ARID1B: variants seen among roughly 807,000 people sequenced by gnomAD.
ARID1B encodes the protein AT-rich interaction domain 1B, also known as AT-rich interactive domain-containing protein 1B.
A neutral mutation model predicts 212.3 loss-of-function variants in ARID1B; 30 were observed. The ratio of observed to expected loss-of-function variants is 0.14; its 90% CI spans 0.11 to 0.19. The LOEUF (loss-of-function observed/expected upper bound fraction) is 0.19, where lower values mean the gene tolerates loss of function less well. Ranked by LOEUF, ARID1B falls within the 10% of genes least tolerant of loss-of-function variation. ARID1B has a pLI of 1.00. For missense variants in ARID1B, 2,891 were observed against 3,204.0 expected (o/e 0.90, Z 2.36); for synonymous variants, 1,402 against 1,301.7 (o/e 1.08, Z -1.66).
intron 3 of ARID1B, among the ~76,000 whole-genome samples, chr6:156,904,379 C>G (rs1200151821): frequency 6.6e-6 from 1 of 152,190 alleles, no homozygotes; most frequent in Non-Finnish European, 1.5e-5. Context: ...ATATATTTAA[C>G]CAGTTCTTTT....
At chr6:156,988,593 G>A (rs1778080467) in intron 4 of ARID1B, among the ~76,000 whole-genome samples, 1 of 152,198 alleles carries the variant, frequency 6.6e-6, no homozygotes, top group African/African-American at 2.4e-5. Flanking sequence ...TGCCAGAGGA[G>A]CTTTCTTACC....
chr6:157,124,151 G>T (rs1159110331), intron 6 of ARID1B, among the ~76,000 whole-genome samples: 1 of 152,208 alleles, frequency 6.6e-6, no homozygotes, highest in Non-Finnish European at 1.5e-5. Context: ...CCTCAGAAAT[G>T]ATTCTTTGGA....
At chr6:157,056,923 A>AG (rs568040032) in intron 4 of ARID1B, among the ~76,000 whole-genome samples, 57 of 151,420 alleles carry the variant, frequency 3.8e-4, no homozygotes, top group African/African-American at 1.2e-3. Context: ...GTTTAAGTTC[A>AG]GGGGTACATG....
rs368162661 is a variant in ARID1B, at chr6:156,844,251, T to C, written c.1986+14830T>C. Among the ~76,000 whole-genome samples, 53 of 152,306 alleles carry C rather than the reference T, an allele frequency of 3.5e-4. No homozygotes were observed. In the South Asian group the frequency reaches 9.7e-3, roughly 28 times the overall value. On this transcript the variant is annotated intron_variant, in intron 2 of 19. Transcript: ENST00000636930. ...ACAGGCTGGCTGGATCTTGTTTGAT[T>C]TTTTGTTTTGTTTTGTTTAAGAAGA... is the stretch of plus-strand genomic sequence containing the variant.
At chr6:156,784,637 TTGAG>T (rs1242294648) in intron 1 of ARID1B, among the ~76,000 whole-genome samples, 6 of 152,208 alleles carry the variant, frequency 3.9e-5, no homozygotes, top group African/African-American at 7.2e-5. Flanking sequence ...GCAATTCACT[TTGAG>T]TGAGTGAATT....
At chr6:157,152,600 A>G (rs1164106031) in intron 8 of ARID1B, among the ~76,000 whole-genome samples, 1 of 152,198 alleles carries the variant, frequency 6.6e-6, no homozygotes, top group Admixed American at 6.5e-5. Flanking sequence ...CAATGCACAT[A>G]ACCTGTGTTG....
chr6:156,779,574 G>A, intron 1 of ARID1B, 103 bp downstream of exon 1: 1 of 1,105,592 alleles, frequency 9.0e-7, no homozygotes, highest in South Asian at 4.0e-5. Flanking sequence ...CTTCCCGCGG[G>A]GGCGGCGGGG....
intron 2 of ARID1B, among the ~76,000 whole-genome samples, chr6:156,881,319 G>C (rs1370236617): frequency 6.6e-6 from 1 of 152,160 alleles, no homozygotes; most frequent in Non-Finnish European, 1.5e-5. Flanking sequence ...TGAAATTTTA[G>C]ATGTACCAGA....
intron 4 of ARID1B, among the ~76,000 whole-genome samples, chr6:157,005,458 T>C (rs185071777): frequency 1.3e-5 from 2 of 152,298 alleles, no homozygotes; most frequent in African/African-American, 4.8e-5. Context: ...CAGGCCCTTA[T>C]GTAGTGGCAT....
At chr6:156,989,014 G>A (rs905325894) in intron 4 of ARID1B, among the ~76,000 whole-genome samples, 20 of 152,162 alleles carry the variant, frequency 1.3e-4, no homozygotes, top group African/African-American at 4.6e-4. Flanking sequence ...TTGTCACAGG[G>A]ATCTACCATA....
intron 2 of ARID1B, among the ~76,000 whole-genome samples, chr6:156,879,774 CAT>C (rs547548643): frequency 5.6e-4 from 86 of 152,292 alleles, no homozygotes; most frequent in African/African-American, 1.9e-3. Context: ...ACATATGACA[CAT>C]GTGTATATAT....
At chr6:156,847,211 T>G (rs184030688) in intron 2 of ARID1B, among the ~76,000 whole-genome samples, 1 of 152,308 alleles carries the variant, frequency 6.6e-6, no homozygotes, top group Admixed American at 6.5e-5. Context: ...CTGTGCTATC[T>G]GGTAATGTGC....
intron 7 of ARID1B, among the ~76,000 whole-genome samples, chr6:157,145,019 G>A (rs974829925): frequency 5.9e-5 from 9 of 152,186 alleles, no homozygotes; most frequent in African/African-American, 4.8e-5. Context: ...CAGCGCACCC[G>A]AGGTGTCTGC....
intron 2 of ARID1B, among the ~76,000 whole-genome samples, chr6:156,883,411 T>C (rs1264721846): frequency 6.6e-6 from 1 of 152,168 alleles, no homozygotes; most frequent in Non-Finnish European, 1.5e-5. Flanking sequence ...ATAGATTGCC[T>C]TGTCTTCGTG....
In ARID1B at chr6:157,123,247, C is replaced by CCCA. The variant is rs1554299918; in HGVS notation, c.2582-9780_2582-9779insCAC. 2.9e-4 allele frequency among the ~76,000 whole-genome samples: 32 copies of CCCA among 111,838 alleles called. 1 individual carries two copies. The highest frequency in any genetic ancestry group is 9.4e-4 in the African/African-American group (29 of 30,754). 73.4% of individuals were successfully genotyped at this position (111,838 alleles called of 152,430 possible). ...CTCCCCCCCGCCCCCCGCCCCCCCC[C>CCCA]CACACACACACAAGCAAACTCTGGG... On this transcript the variant is annotated intron_variant, in intron 6 of 19. Coordinates refer to ENST00000636930, the MANE Select transcript of ARID1B (RefSeq NM_001374828.1).
At chr6:157,160,411 C>G (rs111636687) in intron 8 of ARID1B, among the ~76,000 whole-genome samples, 3 of 152,190 alleles carry the variant, frequency 2.0e-5, no homozygotes, top group African/African-American at 7.2e-5. Context: ...CCCAGAGGAC[C>G]TAATTCATCA....
At position 156,888,435 on chromosome 6, in the gene ARID1B, CAT is replaced by C. The variant is rs537580929; in HGVS notation, c.1987-12940_1987-12939del. On this transcript the variant is annotated intron_variant, in intron 2 of 19. Coordinates refer to ENST00000636930, the MANE Select transcript of ARID1B (RefSeq NM_001374828.1). ...TTATTAGAAAACCCTGCTGTTCTAACATGTGTGTGAAGTACTGTTAGACTGTG... is the reference window on the plus strand; with the variant it reads ...TTATTAGAAAACCCTGCTGTTCTAACGTGTGTGAAGTACTGTTAGACTGTG... Among the ~76,000 whole-genome samples, 344 of 152,318 alleles carry C rather than the reference CAT, an allele frequency of 2.3e-3. 4 individuals are homozygous for C. The highest frequency in any genetic ancestry group is 0.01 in the Middle Eastern group (3 of 294).
At chr6:156,883,750 CAGGTGCTGG>C (rs202099216) in intron 2 of ARID1B, among the ~76,000 whole-genome samples, 3,176 of 152,272 alleles carry the variant, frequency 0.021, 33 homozygotes, top group Middle Eastern at 0.048. Context: ...CTCTGAGTGG[CAGGTGCTGG>C]AGGTGCTGGA....
Position 157,206,471 on chromosome 6 carries a change from A to G in ARID1B, c.5699A>G (p.Lys1900Arg). The change falls in exon 20 of 20, where the codon AAG becomes AGG. Residue 1900 changes from lysine to arginine, a missense_variant. By Grantham distance (26) the Lys-to-Arg change is conservative. Around this residue, in one of 7 missense-constraint regions of ARID1B, gnomAD observed 332 missense variants for 369.2 expected, o/e 0.90. Coordinates refer to ENST00000636930, the MANE Select transcript of ARID1B (RefSeq NM_001374828.1). The surrounding 1 kb of genome is among the most constrained non-coding windows in gnomAD (Gnocchi z 6.8). ...GACGCCGCTGCAGACCCAAAGGAGA[A>G]GCCCAAGCAAGCCAGTAAGTTCGAC... is the stretch of plus-strand genomic sequence containing the variant. ...APDAAADPKE[K>R]PKQASKFDKL... 6.2e-7 allele frequency: 1 copy of G among 1,614,116 alleles called. No homozygotes were observed. Among genetic ancestry groups the G allele is most frequent in the Non-Finnish European group, 8.5e-7 (1 of 1,180,056 alleles).
Sources: gnomAD v4.1 joint callset for allele counts (sites outside exome capture counted in the v4.1 genomes callset) on GRCh38, gnomAD v4.1.1 for gene constraint, gnomAD v4.1.1 regional missense constraint, Gnocchi (gnomAD v3.1) non-coding constraint, MANE v1.5 for transcripts, NCBI Gene and HGNC (gene_info 2026-07-23, HGNC 2026-07-21) for gene names.